The following SORCS3 variants were observed in gnomAD, a reference collection of about 807,000 sequenced individuals.
The protein encoded by SORCS3 is VPS10 domain-containing receptor SorCS3.
A neutral mutation model predicts 146.3 loss-of-function variants in SORCS3; 57 were observed. The ratio of observed to expected loss-of-function variants is 0.39; its 90% confidence interval spans 0.31 to 0.49. The LOEUF is 0.49. Among genes scored for constraint, SORCS3 ranks in the 20% least tolerant of loss-of-function variants. SORCS3 has a pLI of 0.92. For synonymous variants in SORCS3, 653 were observed against 618.5 expected, an observed-to-expected ratio of 1.06 and a Z score of -0.83; for missense variants, 1,341 against 1,575.5, an observed-to-expected ratio of 0.85 and a Z score of 2.52.
intron 7 of SORCS3, among the ~76,000 whole-genome samples, chr10:105,119,785 T>C (rs1418035518): frequency 6.6e-6 from 1 of 152,202 alleles, no homozygotes; most frequent in East Asian, 1.9e-4. Flanking sequence ...ATTTACCCAA[T>C]GCCTATACCC....
chr10:104,970,140 T>C (rs1014709434), intron 3 of SORCS3, among the ~76,000 whole-genome samples: 3 of 151,902 alleles, frequency 2.0e-5, no homozygotes, highest in African/African-American at 4.8e-5. Context: ...TTATGAAAGC[T>C]TTTTTTTCTT....
At chr10:105,159,026 A>G (rs748273848) in intron 11 of SORCS3, 32 bp downstream of exon 11, 2 of 1,480,472 alleles carry the variant, frequency 1.4e-6, no homozygotes, top group South Asian at 2.3e-5. Flanking sequence ...CTTCTTCCTT[A>G]CTGAGAGTGT....
At chr10:104,735,010 A>G (rs1001934344) in intron 1 of SORCS3, among the ~76,000 whole-genome samples, 1 of 151,976 alleles carries the variant, frequency 6.6e-6, no homozygotes, top group African/African-American at 2.4e-5. Context: ...GCAGTTAATT[A>G]AAAAAAATCT....
intron 2 of SORCS3, among the ~76,000 whole-genome samples, chr10:104,910,414 A>G (rs1417040993): frequency 6.6e-6 from 1 of 152,238 alleles, no homozygotes; most frequent in Non-Finnish European, 1.5e-5. Context: ...ATTGTTTATA[A>G]TAGCAAATTA....
At chr10:104,796,834 G>C (rs917389824) in intron 1 of SORCS3, among the ~76,000 whole-genome samples, 2 of 152,152 alleles carry the variant, frequency 1.3e-5, no homozygotes, top group African/African-American at 4.8e-5. Context: ...GGTATTGGCT[G>C]GTTGTCAGTT....
Position 104,761,343 on chromosome 10 carries a change from C to T in SORCS3, c.628-81449C>T, listed in dbSNP as rs974024583. Among the ~76,000 whole-genome samples the T allele has an allele frequency of 3.9e-5, 6 of 152,058 alleles. No homozygotes were observed. The East Asian group carries it at 1.2e-3, about 29-fold the overall frequency. ...ATTTTTCTATTTTCTTGCCTCTTCTCGCTCCAGATACAGGAATGAAGTGTA... is the reference window on the plus strand; with the variant it reads ...ATTTTTCTATTTTCTTGCCTCTTCTTGCTCCAGATACAGGAATGAAGTGTA... On this transcript the variant is annotated intron_variant, in intron 1 of 26. Transcript: ENST00000369701.
intron 7 of SORCS3, among the ~76,000 whole-genome samples, chr10:105,122,796 A>G (rs781705793): frequency 1.3e-5 from 2 of 152,234 alleles, no homozygotes; most frequent in African/African-American, 2.4e-5. Context: ...GGCAAGGATC[A>G]TGGTAGTTTT....
At chr10:105,190,601 A>G (rs1157969266) in intron 14 of SORCS3, among the ~76,000 whole-genome samples, 1 of 152,056 alleles carries the variant, frequency 6.6e-6, no homozygotes, top group Non-Finnish European at 1.5e-5. Context: ...ACGGGGTTTC[A>G]CCATATTGGT....
chr10:105,226,085 G>A (rs1313296917), intron 20 of SORCS3, among the ~76,000 whole-genome samples: 3 of 151,204 alleles, frequency 2.0e-5, no homozygotes, highest in African/African-American at 2.4e-5. Flanking sequence ...TAGGACTTCC[G>A]GTCCTATATT....
intron 20 of SORCS3, among the ~76,000 whole-genome samples, chr10:105,225,797 T>C (rs942443097): frequency 6.6e-6 from 1 of 152,056 alleles, no homozygotes; most frequent in Non-Finnish European, 1.5e-5. Context: ...TGTACACATT[T>C]TGTTAAATTT....
chr10:104,664,303 G>GA (rs1589450840), intron 1 of SORCS3, among the ~76,000 whole-genome samples: 1 of 152,160 alleles, frequency 6.6e-6, no homozygotes, highest in East Asian at 1.9e-4. Context: ...AAAATGAAAG[G>GA]AAAAATATCA....
chr10:104,995,397 A>T (rs2055020616), intron 4 of SORCS3, among the ~76,000 whole-genome samples: 1 of 152,032 alleles, frequency 6.6e-6, no homozygotes, highest in South Asian at 2.1e-4. Context: ...TGACTTCGTG[A>T]TCTGCACGCC....
intron 3 of SORCS3, among the ~76,000 whole-genome samples, chr10:104,933,048 T>C (rs1253396083): frequency 1.3e-5 from 2 of 152,192 alleles, no homozygotes; most frequent in African/African-American, 4.8e-5. Context: ...CAAGTTTTAA[T>C]TGTTCCATAC....
chr10:105,242,578 TTA>T (rs371445799), intron 20 of SORCS3, among the ~76,000 whole-genome samples: 51,817 of 81,784 alleles, frequency 0.63, 16,029 homozygotes, highest in East Asian at 0.8. Flanking sequence ...ATTTATATAT[TTA>T]TATATATTTA....
intron 2 of SORCS3, among the ~76,000 whole-genome samples, chr10:104,908,513 G>GAGACTCTATTATGTC (rs1425473610): frequency 6.6e-6 from 1 of 152,170 alleles, no homozygotes; most frequent in East Asian, 1.9e-4. Flanking sequence ...CAACTCTATT[G>GAGACTCTATTATGTC]TCTGAGCTGA....
At chr10:104,986,033 T>C (rs2054960289) in intron 4 of SORCS3, among the ~76,000 whole-genome samples, 4 of 152,206 alleles carry the variant, frequency 2.6e-5, no homozygotes, top group African/African-American at 7.2e-5. Flanking sequence ...CTTCCGTCCT[T>C]TGAAGCTTTG....
At chr10:104,900,857 G>C (rs1312144548) in intron 2 of SORCS3, among the ~76,000 whole-genome samples, 1 of 129,268 alleles carries the variant, frequency 7.7e-6, no homozygotes, top group Admixed American at 9.5e-5. Context: ...TGGTGCCACT[G>C]TACTCCAGTG....
chr10:104,897,205 C>T (rs1025204776), intron 2 of SORCS3, among the ~76,000 whole-genome samples: 21 of 152,196 alleles, frequency 1.4e-4, no homozygotes, highest in African/African-American at 5.1e-4. Flanking sequence ...CAAAAGGTAA[C>T]AGTCTGTGGG....
chr10:104,827,610 C>G (rs1226318227), intron 1 of SORCS3, among the ~76,000 whole-genome samples: 1 of 152,050 alleles, frequency 6.6e-6, no homozygotes, highest in East Asian at 1.9e-4. Context: ...TCTTAAGGGC[C>G]CTAGGATTTT....
Sources: allele counts gnomAD v4.1 joint callset (sites outside exome capture counted in the v4.1 genomes callset), GRCh38; gene constraint gnomAD v4.1.1; transcripts MANE v1.5; gene names NCBI Gene and HGNC (gene_info 2026-07-23, HGNC 2026-07-21).